FAAH2: variants seen among roughly 807,000 people sequenced by gnomAD.
The protein encoded by FAAH2 is fatty-acid amide hydrolase 2.
A neutral mutation model predicts 36.9 loss-of-function variants in FAAH2; 60 were observed. That is an observed-to-expected ratio of 1.63 (90% confidence interval 1.32 to 2.02). FAAH2 has a LOEUF of 2.02. Ranked by LOEUF, FAAH2 falls within the 30% of genes most tolerant of loss-of-function variation. The pLI, the probability that FAAH2 is intolerant of heterozygous loss-of-function variation, is 0.00. For missense variants in FAAH2, 689 were observed against 397.5 expected (o/e 1.73, Z -6.23); for synonymous variants, 214 against 143.8 (o/e 1.49, Z -3.49).
At chrX:57,458,281 T>C (rs1256897724) in intron 10 of FAAH2, among the ~76,000 whole-genome samples, 1 of 112,064 alleles carries the variant, frequency 8.9e-6, no homozygotes, top group African/African-American at 3.2e-5. Context: ...CCTGTCACCA[T>C]ATATGAAAAC....
intron 7 of FAAH2, chrX:57,381,742 C>T (rs1433049337): frequency 9.0e-6 from 1 of 111,233 alleles, no homozygotes; most frequent in East Asian, 2.8e-4. Flanking sequence ...TTTAACACGC[C>T]ACTGTCAACA....
chrX:57,343,332 A>G (rs1025019010), intron 5 of FAAH2, among the ~76,000 whole-genome samples: 3 of 111,886 alleles, frequency 2.7e-5, no homozygotes, highest in East Asian at 2.8e-4. Context: ...GTGAGACAGT[A>G]TCTCATTGTG....
chrX:57,480,073 C>G (rs951705676), intron 10 of FAAH2, among the ~76,000 whole-genome samples: 1 of 111,366 alleles, frequency 9.0e-6, no homozygotes, highest in Non-Finnish European at 1.9e-5. Flanking sequence ...AAGAAGTTGA[C>G]TCTCTGAATA....
chrX:57,355,905 T>C (rs750256048), intron 5 of FAAH2, among the ~76,000 whole-genome samples: 16 of 111,496 alleles, frequency 1.4e-4, no homozygotes, highest in Non-Finnish European at 2.5e-4. Context: ...ACATTGAGCA[T>C]GTTAGCTTTG....
intron 5 of FAAH2, among the ~76,000 whole-genome samples, chrX:57,375,571 T>C (rs2054653641): frequency 9.0e-6 from 1 of 110,591 alleles, no homozygotes; most frequent in African/African-American, 3.3e-5. Context: ...GGTTGTAATG[T>C]CTCCTGTTTC....
At chrX:57,267,206 G>A in the FAAH2 span, among the ~76,000 whole-genome samples, 1 of 112,474 alleles carries the variant, frequency 8.9e-6, no homozygotes, top group South Asian at 3.7e-4. Context: ...TCCCCAAGTC[G>A]TTTTTCTGGT....
At chrX:57,301,850 G>C (rs2052381920) in intron 2 of FAAH2, among the ~76,000 whole-genome samples, 1 of 111,557 alleles carries the variant, frequency 9.0e-6, no homozygotes, top group South Asian at 3.7e-4. Flanking sequence ...AACATGATCT[G>C]AGATTTAGCA....
chrX:57,221,699 C>T, the FAAH2 span, among the ~76,000 whole-genome samples: 1 of 111,212 alleles, frequency 9.0e-6, no homozygotes, highest in Non-Finnish European at 1.9e-5. Context: ...TCCGATACCA[C>T]TCATTTTTCT....
intron 10 of FAAH2, among the ~76,000 whole-genome samples, chrX:57,460,865 TAA>T (rs1355096783): frequency 1.8e-5 from 2 of 111,616 alleles, no homozygotes; most frequent in Non-Finnish European, 3.8e-5. Context: ...GTAAATTGGA[TAA>T]AGAGTCGAGA....
At chrX:57,374,782 G>T in intron 5 of FAAH2, among the ~76,000 whole-genome samples, 1 of 111,187 alleles carries the variant, frequency 9.0e-6, no homozygotes, top group Non-Finnish European at 1.9e-5. Context: ...TCCTTGTCTT[G>T]TTCCAGTTTT....
chrX:57,156,931 G>T, the FAAH2 span, among the ~76,000 whole-genome samples: 3 of 112,144 alleles, frequency 2.7e-5, no homozygotes, highest in Non-Finnish European at 5.6e-5. Context: ...TGTTTATTCA[G>T]TGTCCAAATA....
chrX:57,203,706 A>G, the FAAH2 span, among the ~76,000 whole-genome samples: 1 of 112,285 alleles, frequency 8.9e-6, no homozygotes, highest in South Asian at 3.7e-4. Flanking sequence ...TTAATGGGTT[A>G]CTAGCTGCTA....
chrX:57,219,090 C>A, the FAAH2 span, among the ~76,000 whole-genome samples: 3 of 111,710 alleles, frequency 2.7e-5, no homozygotes, highest in African/African-American at 9.8e-5. Flanking sequence ...AGACACCTAC[C>A]CCTGAAGATT....
chrX:57,219,289 T>C, the FAAH2 span, among the ~76,000 whole-genome samples: 45,475 of 110,123 alleles, frequency 0.41, 8,953 homozygotes, highest in African/African-American at 0.75. Flanking sequence ...TGTCTGTTGG[T>C]GCACTCTCGG....
At chrX:57,386,614 A>G (rs1367458079) in intron 7 of FAAH2, among the ~76,000 whole-genome samples, 1 of 112,031 alleles carries the variant, frequency 8.9e-6, no homozygotes, top group African/African-American at 3.2e-5. Context: ...AAATTCTAAT[A>G]ACTTAATGTA....
At chrX:57,283,125 G>A (rs1276257746), upstream of FAAH2, among the ~76,000 whole-genome samples, 6 of 112,422 alleles carry the variant, frequency 5.3e-5, no homozygotes, top group Admixed American at 2.8e-4. Flanking sequence ...GATTGCGGAG[G>A]GAACAGACCA....
chrX:57,138,966 C>T, the FAAH2 span, among the ~76,000 whole-genome samples: 3 of 111,535 alleles, frequency 2.7e-5, no homozygotes, highest in South Asian at 3.7e-4. Context: ...TTATTAATCC[C>T]GTCAGTTGAA....
At chrX:57,313,787 G>A (rs760995827) in intron 3 of FAAH2, among the ~76,000 whole-genome samples, 5 of 111,209 alleles carry the variant, frequency 4.5e-5, no homozygotes, top group Non-Finnish European at 7.6e-5. Context: ...GAATGACACC[G>A]GCTGTCACAG....
chrX:57,229,228 A>G, the FAAH2 span: 8 of 112,515 alleles, frequency 7.1e-5, no homozygotes, highest in Middle Eastern at 9.1e-3. Context: ...TGCTGCATTT[A>G]TCAAAAGCCT....
Sources: gnomAD v4.1 joint callset for allele counts (sites outside exome capture counted in the v4.1 genomes callset) on GRCh38, gnomAD v4.1.1 for gene constraint, MANE v1.5 for transcripts, NCBI Gene and HGNC (gene_info 2026-07-23, HGNC 2026-07-21) for gene names.